The following DOCK4 variants were observed in gnomAD, a reference collection of about 807,000 sequenced individuals.
DOCK4 encodes the protein dedicator of cytokinesis 4.
DOCK4 carries 97 observed loss-of-function variants against 268.1 expected under a neutral mutation model. The observed-to-expected ratio is 0.36, with a 90% CI of 0.31 to 0.43. DOCK4 has a LOEUF of 0.43. DOCK4 is among the 20% of genes least tolerant of loss of function. The pLI, the probability that DOCK4 is intolerant of heterozygous loss-of-function variation, is 1.00. For missense variants in DOCK4, 2,145 were observed against 2,455.7 expected, an observed-to-expected ratio of 0.87 and a Z score of 2.67; for synonymous variants, 954 against 887.2, an observed-to-expected ratio of 1.08 and a Z score of -1.34.
At chr7:111,888,186 A>G (rs1808006645) in intron 16 of DOCK4, among the ~76,000 whole-genome samples, 1 of 150,868 alleles carries the variant, frequency 6.6e-6, no homozygotes, top group Admixed American at 6.6e-5. Flanking sequence ...TAGCAACTGT[A>G]TAATTTCTTC....
chr7:111,988,366 T>C (rs73430835), intron 6 of DOCK4, among the ~76,000 whole-genome samples: 10,500 of 152,284 alleles, frequency 0.069, 808 homozygotes, highest in African/African-American at 0.18. Context: ...TAGTAAAATA[T>C]CAGCCTCGGT....
chr7:111,801,121 T>C (rs909679027), intron 30 of DOCK4, among the ~76,000 whole-genome samples: 1 of 152,190 alleles, frequency 6.6e-6, no homozygotes, highest in African/African-American at 2.4e-5. Context: ...CCAAGTGTCA[T>C]GGCCACCTCC....
In DOCK4 at chr7:112,071,826, T is replaced by C. The variant is rs200220253; in HGVS notation, c.38-67695A>G. ...CAGCAATATGTAATATTGACAGAAA[T>C]AAATCTATTAGGAAGTTACCATCAA... On this transcript the variant is annotated intron_variant, in intron 1 of 52. Coordinates refer to ENST00000428084, the MANE Select transcript of DOCK4 (RefSeq NM_001363540.2). Among the ~76,000 whole-genome samples, 13 of 152,288 alleles carry C rather than the reference T, an allele frequency of 8.5e-5. No individual in the cohort carries two copies. The East Asian group carries it at 2.5e-3, about 29-fold the overall frequency.
At position 112,189,288 on chromosome 7, in the gene DOCK4, A is replaced by G. The variant is rs910546893; in HGVS notation, c.37+16814T>C. 6.2e-3 allele frequency among the ~76,000 whole-genome samples: 17 copies of G among 2,746 alleles called. No individual in the cohort carries two copies. In the East Asian group the frequency reaches 0.13, roughly 21 times the overall value. The allele number at this position is 2,746 out of a possible 152,430, so 1.8% of individuals were successfully genotyped here. On this transcript the variant is annotated intron_variant, in intron 1 of 52. Coordinates refer to ENST00000428084, the MANE Select transcript of DOCK4 (RefSeq NM_001363540.2). ...TATCTCAAGATACTCTTATTCTGGA[A>G]AAAAAAAAAACTGTGGTGGGAAATT...
chr7:111,859,777 C>T lies in DOCK4; in HGVS notation c.2473+3595G>A, dbSNP rs1489965888. Among the ~76,000 whole-genome samples, 6 of 151,856 alleles carry T rather than the reference C, an allele frequency of 4.0e-5. No individual in the cohort carries two copies. The East Asian group carries it at 9.7e-4, about 24-fold the overall frequency. Reference sequence around the variant, plus strand: ...AGAGACGGGGTTTCACCGTTTTAGCCGGGATGGTCTCGATCTTCTGACCTC... The same window carrying T: ...AGAGACGGGGTTTCACCGTTTTAGCTGGGATGGTCTCGATCTTCTGACCTC... On this transcript the variant is annotated intron_variant, in intron 23 of 52. Coordinates refer to ENST00000428084, the MANE Select transcript of DOCK4 (RefSeq NM_001363540.2).
chr7:111,730,997 A>G (rs897933928), intron 52 of DOCK4, among the ~76,000 whole-genome samples: 5 of 152,216 alleles, frequency 3.3e-5, no homozygotes, highest in Non-Finnish European at 7.3e-5. Flanking sequence ...ATAATTCCAT[A>G]GCAACGTGTG....
intron 32 of DOCK4, among the ~76,000 whole-genome samples, chr7:111,787,030 T>A (rs1300928802): frequency 6.6e-6 from 1 of 152,188 alleles, no homozygotes; most frequent in Non-Finnish European, 1.5e-5. Flanking sequence ...TAGTCCTGAT[T>A]ATAGAGGCTT....
chr7:111,769,458 AGAAAT>A, intron 37 of DOCK4, 66 bp downstream of exon 37: 8 of 1,570,842 alleles, frequency 5.1e-6, no homozygotes, highest in Admixed American at 3.4e-5. Flanking sequence ...TTCATAAACT[AGAAAT>A]GAAAGGGAAA....
chr7:112,080,842 A>G (rs1455788755), intron 1 of DOCK4, among the ~76,000 whole-genome samples: 1 of 152,216 alleles, frequency 6.6e-6, no homozygotes, highest in East Asian at 1.9e-4. Flanking sequence ...GCTGTGAACT[A>G]GCAACTGGAT....
At chr7:111,897,674 C>T (rs1808872255) in intron 15 of DOCK4, among the ~76,000 whole-genome samples, 1 of 152,142 alleles carries the variant, frequency 6.6e-6, no homozygotes, top group Admixed American at 6.5e-5. Context: ...AGGGATCCTC[C>T]CCACCCCCCA....
chr7:111,840,172 T>C (rs1803568548), intron 25 of DOCK4, among the ~76,000 whole-genome samples: 1 of 152,226 alleles, frequency 6.6e-6, no homozygotes, highest in Non-Finnish European at 1.5e-5. Context: ...GGGTATTGGA[T>C]GGCTACAACT....
intron 1 of DOCK4, among the ~76,000 whole-genome samples, chr7:112,021,553 A>G (rs776837510): frequency 6.6e-6 from 1 of 152,264 alleles, no homozygotes; most frequent in Non-Finnish European, 1.5e-5. Context: ...TGGGCAAGTC[A>G]GATGGGTCCG....
chr7:111,872,064 A>C lies in DOCK4; in HGVS notation c.1953T>G (p.Asp651Glu). The stretch of plus-strand genomic sequence containing the variant: ...CAGGTTTAAAATGATGAAATTTGCT[A>C]TCTTGCAGCAAATTTATTATGTGAA... ...SLVHIINLLQ[D>E]SKFHHFKPVM... Residue 651 changes from aspartate (D) to glutamate (E), a missense_variant, in exon 20 of 53, where the codon GAT (aspartate) becomes GAG (glutamate). Coordinates refer to ENST00000428084, the MANE Select transcript of DOCK4 (RefSeq NM_001363540.2). The C allele has an allele frequency of 6.5e-7, 1 of 1,548,782 alleles. No homozygotes were observed. Among genetic ancestry groups the C allele is most frequent in the Non-Finnish European group, 8.7e-7 (1 of 1,146,948 alleles).
chr7:112,175,101 G>C (rs1483312027), intron 1 of DOCK4, among the ~76,000 whole-genome samples: 1 of 151,926 alleles, frequency 6.6e-6, no homozygotes, highest in Non-Finnish European at 1.5e-5. Context: ...CTGACCTCGT[G>C]ATCTGCCCGC....
At chr7:112,064,684 C>A (rs554606616) in intron 1 of DOCK4, among the ~76,000 whole-genome samples, 2,276 of 149,732 alleles carry the variant, frequency 0.015, 59 homozygotes, top group African/African-American at 0.054. Context: ...CTGTGCCCCC[C>A]CTTCAAGACT....
At chr7:111,991,931 A>C (rs567559087) in intron 5 of DOCK4, among the ~76,000 whole-genome samples, 1 of 130,024 alleles carries the variant, frequency 7.7e-6, no homozygotes, top group South Asian at 2.6e-4. Context: ...ACTGCACTCC[A>C]GCCTGGGCAA....
chr7:111,873,362 A>G (rs1410637899), intron 17 of DOCK4, among the ~76,000 whole-genome samples: 1 of 152,174 alleles, frequency 6.6e-6, no homozygotes, highest in Admixed American at 6.5e-5. Flanking sequence ...TTAGTCTCCA[A>G]CGCATGCAGG....
At chr7:111,881,224 A>G (rs1238440834) in intron 16 of DOCK4, among the ~76,000 whole-genome samples, 1 of 152,210 alleles carries the variant, frequency 6.6e-6, no homozygotes, top group Non-Finnish European at 1.5e-5. Context: ...ACAACTCTCT[A>G]GGGAAAAATC....
At chr7:111,908,447 C>CA (rs1181935590) in intron 13 of DOCK4, among the ~76,000 whole-genome samples, 7 of 120,784 alleles carry the variant, frequency 5.8e-5, no homozygotes, top group East Asian at 2.0e-4. Flanking sequence ...GACTCCGTCT[C>CA]AAAAAAATAA....
Sources: gnomAD v4.1 joint callset for allele counts (sites outside exome capture counted in the v4.1 genomes callset) on GRCh38, gnomAD v4.1.1 for gene constraint, MANE v1.5 for transcripts, NCBI Gene and HGNC (gene_info 2026-07-23, HGNC 2026-07-21) for gene names.